The following KLHL13 variants were observed in gnomAD, a reference collection of about 807,000 sequenced individuals.
The protein encoded by KLHL13 is kelch-like protein 13.
Under a neutral mutation model 37.1 loss-of-function variants are expected in KLHL13, and 10 were observed. The observed-to-expected ratio is 0.27, with a 90% CI of 0.17 to 0.46. The LOEUF (loss-of-function observed/expected upper bound fraction) is 0.46, where lower values mean the gene tolerates loss of function less well. Ranked by LOEUF, KLHL13 falls within the 20% of genes least tolerant of loss-of-function variation. KLHL13 has a pLI of 1.00. For synonymous variants in KLHL13, 163 were observed against 181.2 expected (o/e 0.90, Z 0.81); for missense variants, 360 against 509.3 (o/e 0.71, Z 2.82).
chrX:117,996,969 T>C (rs2053861828), intron 1 of KLHL13, among the ~76,000 whole-genome samples: 1 of 111,336 alleles, frequency 9.0e-6, no homozygotes, highest in African/African-American at 3.3e-5. Context: ...TCCTAATAAA[T>C]CTGAAGACTC....
chrX:118,030,256 A>G (rs749003544), intron 1 of KLHL13, among the ~76,000 whole-genome samples: 1 of 112,082 alleles, frequency 8.9e-6, no homozygotes, highest in East Asian at 2.8e-4. Context: ...AATGAAATTA[A>G]TATTTTACAC....
intron 1 of KLHL13, among the ~76,000 whole-genome samples, chrX:118,012,935 G>A (rs781197650): frequency 1.8e-5 from 2 of 111,767 alleles, no homozygotes; most frequent in Admixed American, 9.5e-5. Flanking sequence ...TTATTCAATC[G>A]TTTATTTCTA....
chrX:117,938,570 A>G (rs935965825), intron 2 of KLHL13, among the ~76,000 whole-genome samples: 1 of 111,371 alleles, frequency 9.0e-6, no homozygotes, highest in Admixed American at 9.6e-5. Context: ...TTTGAGAACC[A>G]TTGCTTTAAA....
At chrX:117,902,214 T>C (rs1368751819) in intron 5 of KLHL13, among the ~76,000 whole-genome samples, 3 of 111,586 alleles carry the variant, frequency 2.7e-5, no homozygotes, top group African/African-American at 9.7e-5. Flanking sequence ...TAAGATTTAT[T>C]CTGTAATCTG....
chrX:117,979,655 C>T (rs979400159), intron 1 of KLHL13, among the ~76,000 whole-genome samples: 2 of 111,068 alleles, frequency 1.8e-5, no homozygotes, highest in African/African-American at 6.5e-5. Flanking sequence ...CTGCTATTAC[C>T]AAAAGCAGAG....
At chrX:118,073,653 A>G (rs1461532813) in intron 1 of KLHL13, among the ~76,000 whole-genome samples, 1 of 112,395 alleles carries the variant, frequency 8.9e-6, no homozygotes, top group Admixed American at 9.4e-5. Flanking sequence ...AAGTCATAGA[A>G]GAGTTAAGGA....
chrX:117,969,568 C>T (rs1312984227), intron 1 of KLHL13, among the ~76,000 whole-genome samples: 2 of 111,340 alleles, frequency 1.8e-5, no homozygotes, highest in Non-Finnish European at 3.8e-5. Flanking sequence ...GCAAAGCAAA[C>T]ACATGTCACC....
chrX:118,007,123 A>T (rs989385249), intron 1 of KLHL13, among the ~76,000 whole-genome samples: 19 of 110,883 alleles, frequency 1.7e-4, no homozygotes, highest in Non-Finnish European at 3.2e-4. Context: ...CAAAAGTAGG[A>T]GTCAGCCAGG....
chrX:118,001,740 C>A (rs1191884649), intron 1 of KLHL13, among the ~76,000 whole-genome samples: 1 of 110,120 alleles, frequency 9.1e-6, no homozygotes, highest in African/African-American at 3.3e-5. Flanking sequence ...TGGCACATGC[C>A]TGTGGTCTCA....
chrX:117,940,009 C>A (rs759126656), intron 2 of KLHL13, among the ~76,000 whole-genome samples: 1 of 111,955 alleles, frequency 8.9e-6, no homozygotes, highest in Non-Finnish European at 1.9e-5. Flanking sequence ...GTCATCAACT[C>A]TTTGCCGATG....
chrX:118,066,802 G>GT (rs1319915434), intron 1 of KLHL13, among the ~76,000 whole-genome samples: 1 of 111,309 alleles, frequency 9.0e-6, no homozygotes, highest in Non-Finnish European at 1.9e-5. Flanking sequence ...AGAAAATCTA[G>GT]TTTTTTTCCT....
chrX:118,090,032 G>A (rs1459199606), intron 1 of KLHL13, among the ~76,000 whole-genome samples: 1 of 96,715 alleles, frequency 1.0e-5, no homozygotes, highest in Non-Finnish European at 2.0e-5. Context: ...AGTGAGCCGA[G>A]ATCATGCCAC....
chrX:118,027,749 A>G (rs1391929702), intron 1 of KLHL13, among the ~76,000 whole-genome samples: 1 of 110,398 alleles, frequency 9.1e-6, no homozygotes, highest in Non-Finnish European at 1.9e-5. Flanking sequence ...TATTAACACC[A>G]TTTCATAGGT....
rs1602691553 is a variant in KLHL13 at position 118,059,425 on chromosome X, C to T, written c.-56+57083G>A. On this transcript the variant is annotated intron_variant, in intron 1 of 6. Transcript: ENST00000371882. ...TTCCACTACAAATATAGCAAATTCC[C>T]TAAAGCTATATCAATCATCTTAACC... Among the ~76,000 whole-genome samples the T allele has an allele frequency of 6.3e-5, 7 of 111,444 alleles. 1 individual carries two copies. In the Admixed American group the frequency reaches 6.7e-4, roughly 11 times the overall value.
intron 1 of KLHL13, among the ~76,000 whole-genome samples, chrX:118,084,930 A>G (rs1456042579): frequency 1.8e-5 from 2 of 109,908 alleles, no homozygotes; most frequent in Middle Eastern, 4.6e-3. Context: ...AGGCTGAGGC[A>G]AAGAATCACT....
At chrX:118,022,479 C>T (rs1489034399) in intron 1 of KLHL13, among the ~76,000 whole-genome samples, 1 of 111,551 alleles carries the variant, frequency 9.0e-6, no homozygotes, top group Non-Finnish European at 1.9e-5. Context: ...GTTCTCTTCT[C>T]TACATCCTCT....
intron 5 of KLHL13, among the ~76,000 whole-genome samples, chrX:117,904,815 C>A (rs1602528990): frequency 9.0e-6 from 1 of 111,266 alleles, no homozygotes; most frequent in East Asian, 2.9e-4. Context: ...CTCTTTCTGG[C>A]CCTTTACAAA....
intron 1 of KLHL13, among the ~76,000 whole-genome samples, chrX:118,070,878 G>A (rs191316334): frequency 9.1e-6 from 1 of 109,324 alleles, no homozygotes; most frequent in Non-Finnish European, 1.9e-5. Flanking sequence ...CTAGCATTAG[G>A]TATATCCCCC....
chrX:117,930,886 T>C (rs1223242056), intron 2 of KLHL13, among the ~76,000 whole-genome samples: 4 of 112,383 alleles, frequency 3.6e-5, no homozygotes, highest in African/African-American at 6.5e-5. Flanking sequence ...TTTTATAAAA[T>C]GTAAATTATC....
Sources: allele counts gnomAD v4.1 joint callset (sites outside exome capture counted in the v4.1 genomes callset), GRCh38; gene constraint gnomAD v4.1.1; transcripts MANE v1.5; gene names NCBI Gene and HGNC (gene_info 2026-07-23, HGNC 2026-07-21).